SLC29A1: variants seen among roughly 807,000 people sequenced by gnomAD.
The protein encoded by SLC29A1 is solute carrier family 29 member 1 (Augustine blood group).
A neutral mutation model predicts 48.3 loss-of-function variants in SLC29A1; 22 were observed. The ratio of observed to expected loss-of-function variants is 0.46; its 90% CI spans 0.33 to 0.65. The LOEUF (loss-of-function observed/expected upper bound fraction) is 0.65, where lower values mean the gene tolerates loss of function less well. SLC29A1 is among the 30% of genes least tolerant of loss of function. The pLI is 0.03. For synonymous variants in SLC29A1, 228 were observed against 231.0 expected, an observed-to-expected ratio of 0.99 and a Z score of 0.12; for missense variants, 491 against 575.3, an observed-to-expected ratio of 0.85 and a Z score of 1.50.
At chr6:44,231,913 C>A (rs1193267403) in intron 9 of SLC29A1, 85 bp from the exon 10 acceptor site, 1 of 1,015,618 alleles carries the variant, frequency 9.8e-7, no homozygotes, top group Non-Finnish European at 1.5e-6. Flanking sequence ...CGTGAGCCAC[C>A]ACGCCTGGCC....
chr6:44,223,446 G>A, upstream of SLC29A1: 1 of 768,706 alleles, frequency 1.3e-6, no homozygotes, highest in Non-Finnish European at 1.6e-6. The surrounding 1 kb of genome is among the most constrained non-coding windows in gnomAD (Gnocchi z 5.0). Flanking sequence ...CTCGGGGTGG[G>A]AGCGGCGGAG....
At chr6:44,227,001 G>C (rs564694659) in intron 1 of SLC29A1, 552 of 1,229,090 alleles carry the variant, frequency 4.5e-4, no homozygotes, top group Non-Finnish European at 5.2e-4. Flanking sequence ...TCGGCTGCTG[G>C]ATAAAAATAG....
intron 1 of SLC29A1, among the ~76,000 whole-genome samples, chr6:44,224,796 G>C (rs1777120584): frequency 6.6e-6 from 1 of 152,306 alleles, no homozygotes; most frequent in African/African-American, 2.4e-5. Flanking sequence ...GCCCACCTCA[G>C]CAGGCCAAGG....
upstream of SLC29A1, chr6:44,221,787 A>C: frequency 4.6e-6 from 2 of 436,670 alleles, no homozygotes; most frequent in South Asian, 3.7e-5. The surrounding 1 kb of genome is among the most constrained non-coding windows in gnomAD (Gnocchi z 4.2). Context: ...CTAGGGGCCC[A>C]GCAGGATGGA....
Position 44,233,596 on chromosome 6 carries a change from G to A in SLC29A1, c.*68G>A. On this transcript the variant is annotated 3_prime_UTR_variant, in exon 13 of 13. Transcript: ENST00000371755. Reference sequence around the variant, plus strand: ...CCTCCTGCCCCTTCCTTCTGCCAGGGGTGATCCTGAGTGGTCTGGCGGTTT... The same window carrying A: ...CCTCCTGCCCCTTCCTTCTGCCAGGAGTGATCCTGAGTGGTCTGGCGGTTT... The A allele has an allele frequency of 7.6e-7, 1 of 1,312,856 alleles. No individual in the cohort carries two copies. Among genetic ancestry groups the A allele is most frequent in the African/African-American group, 1.4e-5 (1 of 69,142 alleles). 81.3% of individuals were successfully genotyped at this position (1,312,856 alleles called of 1,614,324 possible). A position where few individuals can be genotyped will look rare whatever the true frequency, so the allele number is the denominator to read the frequency against.
At position 44,231,369 on chromosome 6, in the gene SLC29A1, G is replaced by C. The variant is rs754487166; in HGVS notation, c.772G>C (p.Glu258Gln). ...AGATTTCTTCCATCCCGCAGGAGAG[G>C]AGCCAAGAGCAGGCAAAGAGGAATC... ...TKLDLISKGE[E>Q]PRAGKEESGV... Residue 258 changes from glutamate (E) to glutamine (Q), a missense_variant, in exon 9 of 13, where the codon GAG becomes CAG. Transcript: ENST00000371755. 1 of 1,593,554 alleles carries C rather than the reference G, an allele frequency of 6.3e-7. No homozygotes were observed. Among genetic ancestry groups the C allele is most frequent in the South Asian group, 1.1e-5 (1 of 88,978 alleles).
Position 44,232,009 on chromosome 6 carries a change from G to A in SLC29A1, c.876G>A (p.Leu292=). ...IKAILKNISV[L]AFSVCFIFTI... ...CCCCTTCTATCTAGATCTCAGTCCT[G>A]GCTTTCTCTGTCTGCTTCATCTTCA... Residue 292 remains leucine (L), a synonymous_variant, in exon 10 of 13, where the codon CTG becomes CTA. Coordinates refer to ENST00000371755, the MANE Select transcript of SLC29A1 (RefSeq NM_001372327.1). This position sits in a 1 kb window ranked among gnomAD's most constrained non-coding sequence, Gnocchi z 4.7. 3 of 1,613,228 alleles carry A rather than the reference G, an allele frequency of 1.9e-6. No individual in the cohort carries two copies. Among genetic ancestry groups the A allele is most frequent in the Non-Finnish European group, 2.5e-6 (3 of 1,179,280 alleles).
At chr6:44,226,139 A>G in intron 1 of SLC29A1, 1 of 984,938 alleles carries the variant, frequency 1.0e-6, no homozygotes, top group Non-Finnish European at 1.2e-6. Flanking sequence ...CTCTGCTCTG[A>G]CCCTTCTGCT....
rs1327655056 is a variant in SLC29A1 at position 44,232,347 on chromosome 6, T to C, written c.978T>C (p.Arg326=). The change falls in exon 11 of 13, where the codon CGT becomes CGC. Residue 326 remains arginine (R), a synonymous_variant. Transcript: ENST00000371755. The surrounding 1 kb of genome is among the most constrained non-coding windows in gnomAD (Gnocchi z 4.7). ...SSIAGSSTWE[R]YFIPVSCFLT... ...CCCGTTCATCTCCTCTTCCAGAACGTTACTTCATTCCTGTGTCCTGTTTCT... is the reference window on the plus strand; with the variant it reads ...CCCGTTCATCTCCTCTTCCAGAACGCTACTTCATTCCTGTGTCCTGTTTCT... 2.5e-6 allele frequency: 4 copies of C among 1,611,726 alleles called. No individual in the cohort carries two copies. Among genetic ancestry groups the C allele is most frequent in the Non-Finnish European group, 3.4e-6 (4 of 1,177,878 alleles).
chr6:44,223,776 A>G lies in SLC29A1; in HGVS notation c.-52+135A>G. The G allele has an allele frequency of 9.7e-7, 1 of 1,032,980 alleles. No individual in the cohort carries two copies. Among genetic ancestry groups the G allele is most frequent in the Non-Finnish European group, 1.2e-6 (1 of 857,174 alleles). The allele number at this position is 1,032,980 out of a possible 1,614,324, so 64.0% of individuals were successfully genotyped here. A position where few individuals can be genotyped will look rare whatever the true frequency, so the allele number is the denominator to read the frequency against. ...GAGAAGGGACGCCGGGTGGGGCCCCAGTGCGGAGCGTGCGGAGCCGCGCAG... is the reference window on the plus strand; with the variant it reads ...GAGAAGGGACGCCGGGTGGGGCCCCGGTGCGGAGCGTGCGGAGCCGCGCAG... On this transcript the variant is annotated intron_variant, in intron 1 of 12. Coordinates refer to ENST00000371755, the MANE Select transcript of SLC29A1 (RefSeq NM_001372327.1). The surrounding 1 kb of genome is among the most constrained non-coding windows in gnomAD (Gnocchi z 5.0).
chr6:44,223,700 C>T lies in SLC29A1; in HGVS notation c.-52+59C>T, dbSNP rs1776779875. The stretch of plus-strand genomic sequence containing the variant: ...ACTGCCGGGGCGGAAGACGCCGCTG[C>T]CCGCCTGCCACGGAGGGCAGGGAGG... On this transcript the variant is annotated intron_variant, in intron 1 of 12. Coordinates refer to ENST00000371755, the MANE Select transcript of SLC29A1 (RefSeq NM_001372327.1). This position sits in a 1 kb window ranked among gnomAD's most constrained non-coding sequence, Gnocchi z 5.0. 9.0e-7 allele frequency: 1 copy of T among 1,111,116 alleles called. No homozygotes were observed. Among genetic ancestry groups the T allele is most frequent in the Non-Finnish European group, 1.1e-6 (1 of 895,512 alleles). The allele number at this position is 1,111,116 out of a possible 1,614,324, so 68.8% of individuals were successfully genotyped here. A position where few individuals can be genotyped will look rare whatever the true frequency, so the allele number is the denominator to read the frequency against.
At position 44,230,650 on chromosome 6, in the gene SLC29A1, G is replaced by A. The variant is rs1218808893; in HGVS notation, c.672G>A (p.Leu224=). The A allele has an allele frequency of 6.2e-7, 1 of 1,613,306 alleles. No individual in the cohort carries two copies. The highest frequency in any genetic ancestry group is 1.3e-5 in the African/African-American group (1 of 74,810). ...TCATTTTGACCATCATCTGTTACCT[G>A]GGCCTGCCCCGCCTGGTGAGTAAAT... ...AVIILTIICY[L]GLPRLEFYRY... is the part of the protein sequence containing the mutation. The change falls in exon 7 of 13, where the codon CTG becomes CTA. Residue 224 remains leucine (L), a synonymous_variant. Coordinates refer to ENST00000371755, the MANE Select transcript of SLC29A1 (RefSeq NM_001372327.1).
Position 44,229,281 on chromosome 6 carries a change from TG to T in SLC29A1, c.30-108del. On this transcript the variant is annotated intron_variant, in intron 2 of 12. Transcript: ENST00000371755. This position sits in a 1 kb window ranked among gnomAD's most constrained non-coding sequence, Gnocchi z 5.1. ...AACGGACACAAACACAGACGCCCTG[TG>T]CCCTGGGACCTAGAGAGACTGACAA... is the stretch of plus-strand genomic sequence containing the variant. 1.2e-6 allele frequency: 1 copy of T among 843,082 alleles called. No homozygotes were observed. The highest frequency in any genetic ancestry group is 1.7e-5 in the Admixed American group (1 of 57,976). The allele number at this position is 843,082 out of a possible 1,614,324, so 52.2% of individuals were successfully genotyped here.
intron 1 of SLC29A1, chr6:44,227,022 G>A (rs914597437): frequency 6.3e-6 from 8 of 1,270,812 alleles, no homozygotes; most frequent in East Asian, 3.3e-5. Context: ...CGGTGGCAGC[G>A]GCCAGGCCGG....
chr6:44,227,118 G>C (rs1222028229), intron 1 of SLC29A1, 145 bp from the exon 2 acceptor site: 1 of 1,404,000 alleles, frequency 7.1e-7, no homozygotes, highest in Non-Finnish European at 9.4e-7. Context: ...AAGTTGAGTC[G>C]TCCTGAGGGG....
chr6:44,223,526 T>C, upstream of SLC29A1: 1 of 1,075,376 alleles, frequency 9.3e-7, no homozygotes, highest in Non-Finnish European at 1.1e-6. This position sits in a 1 kb window ranked among gnomAD's most constrained non-coding sequence, Gnocchi z 5.0. Flanking sequence ...GAGGTGGCAG[T>C]GGGCGCAGGG....
upstream of SLC29A1, among the ~76,000 whole-genome samples, chr6:44,222,189 G>T (rs984743463): frequency 4.0e-5 from 6 of 151,896 alleles, no homozygotes; most frequent in African/African-American, 1.5e-4. Context: ...CAAGTCATGG[G>T]GCTGTGCCTG....
intron 2 of SLC29A1, among the ~76,000 whole-genome samples, chr6:44,227,849 A>G (rs1777921489): frequency 6.6e-6 from 1 of 152,226 alleles, no homozygotes; most frequent in Admixed American, 6.5e-5. Flanking sequence ...TCAATTTCTC[A>G]AAGGGATCTG....
upstream of SLC29A1, chr6:44,223,445 G>A (rs1458984320): frequency 1.5e-5 from 11 of 752,658 alleles, no homozygotes; most frequent in African/African-American, 1.9e-5. This position sits in a 1 kb window ranked among gnomAD's most constrained non-coding sequence, Gnocchi z 5.0. Context: ...GCTCGGGGTG[G>A]GAGCGGCGGA....
Sources: gnomAD v4.1 joint callset for allele counts (sites outside exome capture counted in the v4.1 genomes callset) on GRCh38, gnomAD v4.1.1 for gene constraint, Gnocchi (gnomAD v3.1) non-coding constraint, MANE v1.5 for transcripts, NCBI Gene and HGNC (gene_info 2026-07-23, HGNC 2026-07-21) for gene names.